The following KCNMB2 variants were observed in gnomAD, a reference collection of about 807,000 sequenced individuals.
The protein encoded by KCNMB2 is potassium calcium-activated channel subfamily M regulatory beta subunit 2, also known as calcium-activated potassium channel subunit beta-2.
A neutral mutation model predicts 24.5 loss-of-function variants in KCNMB2; 9 were observed. The ratio of observed to expected loss-of-function variants is 0.37; its 90% CI spans 0.22 to 0.64. KCNMB2 has a LOEUF of 0.64. KCNMB2 is among the 30% of genes least tolerant of loss of function. The pLI, the probability that KCNMB2 is intolerant of heterozygous loss-of-function variation, is 0.63. For synonymous variants in KCNMB2, 109 were observed against 104.4 expected (o/e 1.04, Z -0.27); for missense variants, 226 against 284.3 (o/e 0.79, Z 1.47).
chr3:178,705,504 G>A (rs980565485), intron 1 of KCNMB2, among the ~76,000 whole-genome samples: 5 of 152,084 alleles, frequency 3.3e-5, no homozygotes, highest in African/African-American at 1.2e-4. Context: ...ATATAAATGA[G>A]AGAGTAGGTT....
chr3:178,589,328 A>G (rs1355175174), intron 1 of KCNMB2, among the ~76,000 whole-genome samples: 1 of 152,152 alleles, frequency 6.6e-6, no homozygotes, highest in Non-Finnish European at 1.5e-5. Flanking sequence ...TGCAAATACC[A>G]CAGCCTGTGC....
intron 4 of KCNMB2, among the ~76,000 whole-genome samples, chr3:178,834,540 G>A (rs75581428): frequency 0.011 from 1,668 of 152,126 alleles, 14 homozygotes; most frequent in Middle Eastern, 0.044. Flanking sequence ...AATGAGCAAG[G>A]AATAGAATTA....
At chr3:178,659,131 T>A (rs1223348972) in intron 1 of KCNMB2, among the ~76,000 whole-genome samples, 1 of 152,232 alleles carries the variant, frequency 6.6e-6, no homozygotes, top group Non-Finnish European at 1.5e-5. Context: ...AATAGCAAAG[T>A]CAGCTCATGC....
intron 1 of KCNMB2, among the ~76,000 whole-genome samples, chr3:178,762,097 G>A (rs7647463): frequency 0.029 from 4,370 of 152,196 alleles, 216 homozygotes; most frequent in African/African-American, 0.099. Flanking sequence ...CTTGAACCCG[G>A]GAGGCAGAGC....
intron 1 of KCNMB2, among the ~76,000 whole-genome samples, chr3:178,572,368 A>T (rs1356158329): frequency 6.6e-6 from 1 of 152,238 alleles, no homozygotes; most frequent in African/African-American, 2.4e-5. Context: ...TCTCAAGGGA[A>T]GAATCATCCA....
chr3:178,757,858 G>GATATAT, intron 1 of KCNMB2, among the ~76,000 whole-genome samples: 2 of 18,390 alleles, frequency 1.1e-4, no homozygotes, highest in African/African-American at 2.6e-4. Context: ...TATCCAAGAG[G>GATATAT]ATACATATAT....
intron 1 of KCNMB2, among the ~76,000 whole-genome samples, chr3:178,738,479 G>A (rs1723388497): frequency 1.3e-5 from 2 of 152,182 alleles, no homozygotes; most frequent in Admixed American, 1.3e-4. Flanking sequence ...AAGTCTACAT[G>A]ACCTGGCAGC....
At chr3:178,552,390 A>G (rs12629827) in intron 1 of KCNMB2, among the ~76,000 whole-genome samples, 1 of 151,754 alleles carries the variant, frequency 6.6e-6, no homozygotes, top group East Asian at 1.9e-4. Context: ...ACCCCCCCCC[A>G]AAATATTCTA....
intron 1 of KCNMB2, among the ~76,000 whole-genome samples, chr3:178,740,005 T>G (rs1007955763): frequency 6.6e-6 from 1 of 152,170 alleles, no homozygotes; most frequent in Non-Finnish European, 1.5e-5. Flanking sequence ...TGACAAATCT[T>G]CCTATTTTTC....
chr3:178,686,252 T>G (rs1721467876), intron 1 of KCNMB2, among the ~76,000 whole-genome samples: 2 of 152,208 alleles, frequency 1.3e-5, no homozygotes, highest in South Asian at 4.1e-4. Context: ...AAGTTCTACG[T>G]GGCATGGGAG....
chr3:178,733,549 C>T (rs938175048), intron 1 of KCNMB2, among the ~76,000 whole-genome samples: 1 of 152,106 alleles, frequency 6.6e-6, no homozygotes, highest in Non-Finnish European at 1.5e-5. Flanking sequence ...GGCACGATCT[C>T]GGCTCACTGC....
intron 1 of KCNMB2, among the ~76,000 whole-genome samples, chr3:178,802,274 T>C (rs1713802404): frequency 6.6e-6 from 1 of 152,148 alleles, no homozygotes; most frequent in South Asian, 2.1e-4. Context: ...GTGTTACAGT[T>C]TTCTGCAAGG....
rs1284184845 is a variant in KCNMB2, at chr3:178,594,280, T to C, written c.-68+57569T>C. On this transcript the variant is annotated intron_variant, in intron 1 of 4. Transcript: ENST00000452583. The stretch of plus-strand genomic sequence containing the variant: ...TTTTAAAGGCTCACTCTGGCTTCCA[T>C]GGTGAGAATGTCTGTGAGAGTGAGA... Among the ~76,000 whole-genome samples, 9 of 152,122 alleles carry C rather than the reference T, an allele frequency of 5.9e-5. No individual in the cohort carries two copies. In the East Asian group the frequency reaches 1.7e-3, roughly 29 times the overall value.
At chr3:178,639,697 C>T (rs959719977) in intron 1 of KCNMB2, among the ~76,000 whole-genome samples, 43 of 152,202 alleles carry the variant, frequency 2.8e-4, no homozygotes, top group African/African-American at 1.0e-3. Context: ...CCTTTCTATT[C>T]TTCCACTCTC....
intron 1 of KCNMB2, among the ~76,000 whole-genome samples, chr3:178,757,606 G>A (rs1241179899): frequency 7.8e-5 from 2 of 25,668 alleles, no homozygotes; most frequent in Non-Finnish European, 1.6e-4. Context: ...ATATATATAT[G>A]TATATATATC....
chr3:178,593,021 A>T (rs1717733199), intron 1 of KCNMB2, among the ~76,000 whole-genome samples: 1 of 152,014 alleles, frequency 6.6e-6, no homozygotes, highest in Non-Finnish European at 1.5e-5. Flanking sequence ...TTAAAAAATA[A>T]AGTACGAGCA....
intron 1 of KCNMB2, among the ~76,000 whole-genome samples, chr3:178,564,720 A>C (rs1219274429): frequency 6.6e-6 from 1 of 152,242 alleles, no homozygotes; most frequent in Non-Finnish European, 1.5e-5. Context: ...GATGGATTAC[A>C]AATCAATACA....
At chr3:178,799,940 T>C (rs895200377) in intron 1 of KCNMB2, among the ~76,000 whole-genome samples, 2 of 152,168 alleles carry the variant, frequency 1.3e-5, no homozygotes, top group East Asian at 3.8e-4. Context: ...AGATAGTCTT[T>C]TCAATAAATG....
chr3:178,614,317 G>A (rs867417042), intron 1 of KCNMB2, among the ~76,000 whole-genome samples: 8,955 of 99,628 alleles, frequency 0.09, 570 homozygotes, highest in Middle Eastern at 0.23. Context: ...ATATGTATGT[G>A]TATATATATA....
Sources: gnomAD v4.1 joint callset for allele counts (sites outside exome capture counted in the v4.1 genomes callset) on GRCh38, gnomAD v4.1.1 for gene constraint, MANE v1.5 for transcripts, NCBI Gene and HGNC (gene_info 2026-07-23, HGNC 2026-07-21) for gene names.